Variants in HMSD observed in about 807,000 individuals in gnomAD.
The protein encoded by HMSD is histocompatibility minor serpin domain containing.
A neutral mutation model predicts 10.0 loss-of-function variants in HMSD; 13 were observed. The observed-to-expected ratio is 1.31, with a 90% CI of 0.85 to 2.08. HMSD has a LOEUF of 2.08. HMSD is among the 30% of genes most tolerant of loss of function. HMSD has a pLI of 0.00. For synonymous variants in HMSD, 51 were observed against 54.2 expected, an observed-to-expected ratio of 0.94 and a Z score of 0.26; for missense variants, 169 against 166.3, an observed-to-expected ratio of 1.02 and a Z score of -0.09.
intron 3 of HMSD, among the ~76,000 whole-genome samples, chr18:63,959,024 C>T (rs2050373150): frequency 6.6e-6 from 1 of 152,082 alleles, no homozygotes; most frequent in African/African-American, 2.4e-5. Context: ...TTTTCTAAAG[C>T]AATTTTAGGT....
In HMSD at chr18:63,961,076, C is replaced by G. The variant is rs1415678174; in HGVS notation, c.*721C>G. The G allele has an allele frequency of 6.6e-6, 1 of 152,280 alleles. No individual in the cohort carries two copies. Among genetic ancestry groups the G allele is most frequent in the Non-Finnish European group, 1.5e-5 (1 of 68,164 alleles). The allele number at this position is 152,280 out of a possible 1,614,324, so 9.4% of individuals were successfully genotyped here. A position where few individuals can be genotyped will look rare whatever the true frequency, so the allele number is the denominator to read the frequency against. On this transcript the variant is annotated 3_prime_UTR_variant, in exon 4 of 4. Coordinates refer to ENST00000408945, the MANE Select transcript of HMSD (RefSeq NM_001123366.2). ...TACAGCCAGGAGCAACAGGGTGGCA[C>G]CCTCTTCTTCAGGGAAACACACACC...
At chr18:63,953,092 G>A (rs892290354) in intron 1 of HMSD, among the ~76,000 whole-genome samples, 8 of 152,166 alleles carry the variant, frequency 5.3e-5, no homozygotes, top group African/African-American at 1.7e-4. Context: ...GTAGTTGAGT[G>A]ATCTCAGGCA....
chr18:63,953,564 T>A, intron 2 of HMSD, 37 bp downstream of exon 2: 1 of 1,521,896 alleles, frequency 6.6e-7, no homozygotes, highest in Non-Finnish European at 9.1e-7. Flanking sequence ...ATAAGTGCTA[T>A]CAATTTATCA....
At position 63,955,760 on chromosome 18, in the gene HMSD, TA is replaced by T. The variant is rs2050354756; in HGVS notation, c.222+1204del. Among the ~76,000 whole-genome samples the T allele has an allele frequency of 2.0e-5, 3 of 152,112 alleles. No individual in the cohort carries two copies. The South Asian group carries it at 6.2e-4, about 32-fold the overall frequency. The stretch of plus-strand genomic sequence containing the variant: ...CTGAGAAACCATGTCGAGATCCATC[TA>T]GGCAGCAGGGGAACACACAGAGCAG... On this transcript the variant is annotated intron_variant, in intron 3 of 3. Coordinates refer to ENST00000408945, the MANE Select transcript of HMSD (RefSeq NM_001123366.2).
In HMSD at chr18:63,953,406, CT is replaced by C. The variant is rs1315674424; in HGVS notation, c.-46del. The C allele has an allele frequency of 2.0e-6, 3 of 1,476,484 alleles. No homozygotes were observed. The African/African-American group carries it at 4.2e-5, about 20-fold the overall frequency. 91.5% of individuals were successfully genotyped at this position (1,476,484 alleles called of 1,614,324 possible). A position where few individuals can be genotyped will look rare whatever the true frequency, so the allele number is the denominator to read the frequency against. ...AGCAAATGGCACATTTGCATTAAAC[CT>C]TTTGAAAAAGCTAGGGGAAAACAAC... On this transcript the variant is annotated 5_prime_UTR_variant, in exon 2 of 4. The change creates a premature stop within an existing upstream ORF in the 5' untranslated region. Coordinates refer to ENST00000408945, the MANE Select transcript of HMSD (RefSeq NM_001123366.2).
At chr18:63,952,488 A>G (rs1472104386) in intron 1 of HMSD, among the ~76,000 whole-genome samples, 2 of 152,208 alleles carry the variant, frequency 1.3e-5, no homozygotes, top group Admixed American at 6.5e-5. Flanking sequence ...TAGTCTTTTT[A>G]TCTATGAATT....
intron 3 of HMSD, among the ~76,000 whole-genome samples, chr18:63,955,729 G>A (rs545012673): frequency 2.5e-4 from 38 of 152,192 alleles, no homozygotes; most frequent in Middle Eastern, 3.4e-3. Flanking sequence ...CCTGAAAGCC[G>A]ATCATCTGAG....
chr18:63,954,235 A>G (rs1000380111), intron 2 of HMSD, among the ~76,000 whole-genome samples, 173 bp from the exon 3 acceptor site: 2 of 152,228 alleles, frequency 1.3e-5, no homozygotes, highest in African/African-American at 4.8e-5. Context: ...GAAGAGGCAT[A>G]GGTAGGCAGA....
At chr18:63,950,442 A>AAAAAAAAAAAAG (rs2050324024) in intron 1 of HMSD, among the ~76,000 whole-genome samples, 1 of 147,984 alleles carries the variant, frequency 6.8e-6, no homozygotes, top group Non-Finnish European at 1.5e-5. Context: ...AAAAAAAAAA[A>AAAAAAAAAAAAG]TGTAAGATGA....
Position 63,953,398 on chromosome 18 carries a change from C to T in HMSD, c.-58C>T. 1 of 1,362,396 alleles carries T rather than the reference C, an allele frequency of 7.3e-7. No homozygotes were observed. Among genetic ancestry groups the T allele is most frequent in the Non-Finnish European group, 1.0e-6 (1 of 960,152 alleles). 84.4% of individuals were successfully genotyped at this position (1,362,396 alleles called of 1,614,324 possible). On this transcript the variant is annotated 5_prime_UTR_variant, in exon 2 of 4. Transcript: ENST00000408945. ...CTATCAGAAGCAAATGGCACATTTG[C>T]ATTAAACCTTTTGAAAAAGCTAGGG...
At chr18:63,962,893 A>C (rs1347428767), downstream of HMSD, among the ~76,000 whole-genome samples, 1 of 152,028 alleles carries the variant, frequency 6.6e-6, no homozygotes, top group African/African-American at 2.4e-5. Flanking sequence ...GGAGGTTTCC[A>C]GTCCTGAGGG....
chr18:63,958,498 T>G (rs1197382420), intron 3 of HMSD, among the ~76,000 whole-genome samples: 1 of 152,218 alleles, frequency 6.6e-6, no homozygotes, highest in Non-Finnish European at 1.5e-5. Context: ...GGTTCATAAA[T>G]TAGTTGTTTC....
At position 63,954,421 on chromosome 18, in the gene HMSD, G is replaced by C; in HGVS notation, c.86G>C (p.Ser29Thr). The change falls in exon 3 of 4, where the codon AGT becomes ACT. Residue 29 changes from serine (S) to threonine (T), a missense_variant. Ser to Thr is a moderately conservative substitution (Grantham distance 58). Transcript: ENST00000408945. ...TTTTATTTTCAGGCACTTTGTTTTA[G>C]TAAAATCGGAGGTGAAGATGGAGAT... ...AAQMSQALCF[S>T]KIGGEDGDIH... 1.2e-6 allele frequency: 2 copies of C among 1,611,992 alleles called. No individual in the cohort carries two copies. The highest frequency in any genetic ancestry group is 2.2e-5 in the South Asian group (2 of 90,864).
Position 63,953,515 on chromosome 18 carries a change from T to A in HMSD, c.60T>A (p.Ala20=), listed in dbSNP as rs1326190491. The A allele has an allele frequency of 6.2e-7, 1 of 1,613,686 alleles. No individual in the cohort carries two copies. Among genetic ancestry groups the A allele is most frequent in the Non-Finnish European group, 8.5e-7 (1 of 1,179,638 alleles). Residue 20 remains alanine (A), a synonymous_variant, in exon 2 of 4, where the codon GCT becomes GCA. Coordinates refer to ENST00000408945, the MANE Select transcript of HMSD (RefSeq NM_001123366.2). ...VFMGAKGNTA[A]QMSQALCFSK... is the part of the protein sequence containing the mutation. ...TGGGGGCAAAGGGAAACACTGCAGC[T>A]CAGATGTCTCAGGTACGTAAAGCCA... is the stretch of plus-strand genomic sequence containing the variant.
At position 63,960,305 on chromosome 18, in the gene HMSD, A is replaced by G; in HGVS notation, c.370A>G (p.Asn124Asp). 1 of 1,604,912 alleles carries G rather than the reference A, an allele frequency of 6.2e-7. No individual in the cohort carries two copies. The highest frequency in any genetic ancestry group is 8.5e-7 in the Non-Finnish European group (1 of 1,175,310). ...GENILLFYFD[N>D]ILNSFIVSSL... ...AAATATATTGTTATTCTATTTCGAT[A>G]ATATTTTAAACAGTTTTATAGTCAG... The change falls in exon 4 of 4, where the codon AAT (asparagine) becomes GAT (aspartate). Residue 124 changes from asparagine (N) to aspartate (D), a missense_variant. Physicochemically the swap from Asn to Asp is conservative, Grantham distance 23. Coordinates refer to ENST00000408945, the MANE Select transcript of HMSD (RefSeq NM_001123366.2).
At chr18:63,953,702 G>A (rs1188290123) in intron 2 of HMSD, among the ~76,000 whole-genome samples, 175 bp downstream of exon 2, 2 of 152,174 alleles carry the variant, frequency 1.3e-5, no homozygotes, top group Admixed American at 6.5e-5. Flanking sequence ...TGACCTTCTT[G>A]GTGACCTGGG....
chr18:63,960,090 A>G, intron 3 of HMSD, 68 bp from the exon 4 acceptor site: 9 of 1,397,978 alleles, frequency 6.4e-6, no homozygotes, highest in Non-Finnish European at 8.0e-6. Context: ...ATGTGGCACA[A>G]TGAAGAAGTA....
chr18:63,954,681 C>T (rs1286540072), intron 3 of HMSD, 124 bp downstream of exon 3: 7 of 731,234 alleles, frequency 9.6e-6, no homozygotes, highest in African/African-American at 5.3e-5. Context: ...GAATCTCACA[C>T]GCATCTTGTG....
downstream of HMSD, among the ~76,000 whole-genome samples, chr18:63,962,316 T>G (rs941065564): frequency 6.6e-6 from 1 of 152,186 alleles, no homozygotes; most frequent in South Asian, 2.1e-4. Flanking sequence ...AGAAAAGCCA[T>G]GAGTAATCTC....
Sources: allele counts gnomAD v4.1 joint callset (sites outside exome capture counted in the v4.1 genomes callset), GRCh38; gene constraint gnomAD v4.1.1; transcripts MANE v1.5; gene names NCBI Gene and HGNC (gene_info 2026-07-23, HGNC 2026-07-21).